The following BCAS3 variants were observed in gnomAD, a reference collection of about 807,000 sequenced individuals.
The protein encoded by BCAS3 is BCAS3 microtubule associated cell migration factor, also known as BCAS4/BCAS3 fusion.
In BCAS3, 53 loss-of-function variants were observed where a neutral mutation model predicts 116.1. That is an observed-to-expected ratio of 0.46 (90% CI 0.37 to 0.57). The LOEUF (loss-of-function observed/expected upper bound fraction) is 0.57. Among genes scored for constraint, BCAS3 ranks in the 20% least tolerant of loss-of-function variants. The pLI, the probability that BCAS3 is intolerant of heterozygous loss-of-function variation, is 0.00. For missense variants in BCAS3, 917 were observed against 1,165.4 expected (o/e 0.79, Z 3.10); for synonymous variants, 391 against 408.2 (o/e 0.96, Z 0.51).
At chr17:60,686,058 C>CCT (rs2033991146) in intron 3 of BCAS3, among the ~76,000 whole-genome samples, 1 of 151,742 alleles carries the variant, frequency 6.6e-6, no homozygotes, top group Non-Finnish European at 1.5e-5. Context: ...TTAGTAGAGA[C>CCT]GGGGTTTCAC....
At chr17:60,944,047 A>G (rs898650668) in intron 13 of BCAS3, among the ~76,000 whole-genome samples, 8 of 152,086 alleles carry the variant, frequency 5.3e-5, no homozygotes, top group African/African-American at 1.9e-4. Context: ...TCCTGAAACA[A>G]TAATCTAAGC....
At chr17:61,001,078 A>G (rs1419574105) in intron 15 of BCAS3, among the ~76,000 whole-genome samples, 1 of 152,118 alleles carries the variant, frequency 6.6e-6, no homozygotes, top group Non-Finnish European at 1.5e-5. Flanking sequence ...AGTTCCTGCA[A>G]GTGTCTCCTT....
intron 5 of BCAS3, among the ~76,000 whole-genome samples, chr17:60,724,759 G>T (rs2039649533): frequency 1.3e-5 from 2 of 148,672 alleles, no homozygotes. Context: ...GTGGGTTGTT[G>T]TTTTTACCTT....
rs150844148 is a variant in BCAS3 at position 61,250,105 on chromosome 17, T to C, written c.2426-118222T>C. Among the ~76,000 whole-genome samples, 982 of 152,272 alleles carry C rather than the reference T, an allele frequency of 6.4e-3. 4 individuals are homozygous for C. The highest frequency in any genetic ancestry group is 0.022 in the African/African-American group (931 of 41,536). On this transcript the variant is annotated intron_variant, in intron 22 of 23. Coordinates refer to ENST00000407086, the MANE Select transcript of BCAS3 (RefSeq NM_017679.5). Reference sequence around the variant, plus strand: ...TTGCCCTGGGTTTGTCTGGTGGAAGTTTAAGGAAAGTTCATACCCTGGGCC... The same window carrying C: ...TTGCCCTGGGTTTGTCTGGTGGAAGCTTAAGGAAAGTTCATACCCTGGGCC...
At chr17:61,078,716 C>T (rs528843032) in intron 21 of BCAS3, among the ~76,000 whole-genome samples, 187 bp downstream of exon 21, 71 of 152,192 alleles carry the variant, frequency 4.7e-4, no homozygotes, top group Non-Finnish European at 8.1e-4. Flanking sequence ...GATCACATTA[C>T]GTGCAATAAA....
At chr17:60,996,414 A>C (rs142085736) in intron 15 of BCAS3, among the ~76,000 whole-genome samples, 2 of 152,328 alleles carry the variant, frequency 1.3e-5, no homozygotes, top group East Asian at 3.9e-4. Context: ...TTTCTGGTAC[A>C]TTTTATGTCA....
chr17:60,806,058 C>T (rs1157563173), intron 6 of BCAS3, among the ~76,000 whole-genome samples: 1 of 150,690 alleles, frequency 6.6e-6, no homozygotes, highest in Non-Finnish European at 1.5e-5. Flanking sequence ...TTTTTTTAAA[C>T]TAGAGATGGG....
intron 22 of BCAS3, among the ~76,000 whole-genome samples, chr17:61,291,045 G>T (rs188375714): frequency 1.1e-3 from 165 of 152,256 alleles, no homozygotes; most frequent in African/African-American, 3.5e-3. Context: ...CTCCCAAAGC[G>T]CTGGGATTAC....
chr17:61,107,763 T>A (rs1457078150), intron 22 of BCAS3, among the ~76,000 whole-genome samples: 1 of 152,192 alleles, frequency 6.6e-6, no homozygotes, highest in East Asian at 1.9e-4. Context: ...TCACCTATTA[T>A]ACAACATTTT....
chr17:60,800,351 T>C (rs897749493), intron 6 of BCAS3, among the ~76,000 whole-genome samples: 1 of 152,224 alleles, frequency 6.6e-6, no homozygotes, highest in South Asian at 2.1e-4. Flanking sequence ...AATTTACATT[T>C]CCCTAATGAC....
In BCAS3 at chr17:61,368,026, G is replaced by T. The variant is rs1436858260; in HGVS notation, c.2426-301G>T. On this transcript the variant is annotated intron_variant, in intron 22 of 23. Transcript: ENST00000407086. The surrounding 1 kb of genome is among the most constrained non-coding windows in gnomAD (Gnocchi z 6.0). ...CGTTTGGGTTGAACCTGGGAAGGGG[G>T]TTGCCTTCCCCGTCCCACTTCTTAA... 7.7e-6 allele frequency: 2 copies of T among 259,914 alleles called. No individual in the cohort carries two copies. The highest frequency in any genetic ancestry group is 1.7e-4 in the South Asian group (1 of 5,930). The allele number at this position is 259,914 out of a possible 1,614,324, so 16.1% of individuals were successfully genotyped here. A position where few individuals can be genotyped will look rare whatever the true frequency, so the allele number is the denominator to read the frequency against.
chr17:61,157,229 G>A (rs1391185744), intron 22 of BCAS3, among the ~76,000 whole-genome samples: 1 of 151,970 alleles, frequency 6.6e-6, no homozygotes, highest in African/African-American at 2.4e-5. Flanking sequence ...ATTCATTTTG[G>A]CTCTCCCTTG....
rs908422471 is a variant in BCAS3, at chr17:61,300,703, C to CT, written c.2426-67617dup. Among the ~76,000 whole-genome samples the CT allele has an allele frequency of 1.7e-4, 26 of 152,212 alleles. No homozygotes were observed. The highest frequency in any genetic ancestry group is 5.1e-4 in the African/African-American group (21 of 41,544). ...TAGCTGAAAATAGGGAAAAGAATACCTTTTTTTCCCTCATCACCTACCACA... is the reference window on the plus strand; with the variant it reads ...TAGCTGAAAATAGGGAAAAGAATACCTTTTTTTTCCCTCATCACCTACCACA... On this transcript the variant is annotated intron_variant, in intron 22 of 23. Transcript: ENST00000407086. This position sits in a 1 kb window ranked among gnomAD's most constrained non-coding sequence, Gnocchi z 5.1.
intron 22 of BCAS3, among the ~76,000 whole-genome samples, chr17:61,179,568 C>G (rs1035422536): frequency 6.6e-6 from 1 of 152,118 alleles, no homozygotes; most frequent in Admixed American, 6.6e-5. Flanking sequence ...TAATAAACAC[C>G]AAGAGCTGTG....
At chr17:61,236,712 T>G (rs2083091132) in intron 22 of BCAS3, among the ~76,000 whole-genome samples, 1 of 151,898 alleles carries the variant, frequency 6.6e-6, no homozygotes, top group East Asian at 1.9e-4. Context: ...TATAAAGTAG[T>G]CAATTGTAAA....
At chr17:61,357,252 ATAAATAAATAAATAAATTAATTAAT>A (rs1458404392) in intron 22 of BCAS3, among the ~76,000 whole-genome samples, 1 of 145,074 alleles carries the variant, frequency 6.9e-6, no homozygotes, top group African/African-American at 2.5e-5. Flanking sequence ...CAAAAAATAA[ATAAATAAATAAATAAATTAATTAAT>A]TAAATAAATA....
rs111539992 is a variant in BCAS3, at chr17:60,848,452, C to G, written c.477-20124C>G. ...GATCCTGCAACTTTGTTGAATTTAT[C>G]AGTTCTGGTACTTTTATAGATTATC... On this transcript the variant is annotated intron_variant, in intron 7 of 23. Transcript: ENST00000407086. Among the ~76,000 whole-genome samples, 358 of 152,294 alleles carry G rather than the reference C, an allele frequency of 2.4e-3. 2 individuals carry two copies. Among genetic ancestry groups the G allele is most frequent in the African/African-American group, 7.8e-3 (323 of 41,560 alleles).
chr17:60,891,667 T>C (rs1340148043), intron 10 of BCAS3: 2 of 455,618 alleles, frequency 4.4e-6, no homozygotes, highest in African/African-American at 4.0e-5. Flanking sequence ...TGTTTAGTTT[T>C]GAGATTCACA....
chr17:60,750,340 A>G (rs1329094215), intron 6 of BCAS3, among the ~76,000 whole-genome samples: 1 of 152,220 alleles, frequency 6.6e-6, no homozygotes, highest in Non-Finnish European at 1.5e-5. Context: ...TTTTCTGAAT[A>G]TGATAAAAGT....
Sources: gnomAD v4.1 joint callset for allele counts (sites outside exome capture counted in the v4.1 genomes callset) on GRCh38, gnomAD v4.1.1 for gene constraint, Gnocchi (gnomAD v3.1) non-coding constraint, MANE v1.5 for transcripts, NCBI Gene and HGNC (gene_info 2026-07-23, HGNC 2026-07-21) for gene names.